TTLL9: variants seen among roughly 807,000 people sequenced by gnomAD.
TTLL9 encodes the protein tubulin tyrosine ligase like 9.
Under a neutral mutation model 65.6 loss-of-function variants are expected in TTLL9, and 47 were observed. The observed-to-expected ratio is 0.72, with a 90% CI of 0.57 to 0.91. The LOEUF (loss-of-function observed/expected upper bound fraction) is 0.91, where lower values mean the gene tolerates loss of function less well. Among genes scored for constraint, TTLL9 ranks in the 40% least tolerant of loss-of-function variants. TTLL9 has a pLI of 0.00. For synonymous variants in TTLL9, 179 were observed against 204.8 expected, an observed-to-expected ratio of 0.87 and a Z score of 1.07; for missense variants, 537 against 568.8, an observed-to-expected ratio of 0.94 and a Z score of 0.57.
rs149929864 is a variant in TTLL9 at position 31,933,326 on chromosome 20, C to T, written c.749-474C>T. Among the ~76,000 whole-genome samples the T allele has an allele frequency of 3.5e-3, 540 of 152,132 alleles. 4 individuals carry two copies. Among genetic ancestry groups the T allele is most frequent in the African/African-American group, 0.012 (501 of 41,490 alleles). On this transcript the variant is annotated intron_variant, in intron 10 of 14. Transcript: ENST00000535842. ...TATTCCTACAAAGTGGCCGCCCAGC[C>T]TGGACCCCTCTAATGACAGACAGCC...
At chr20:31,918,174 G>C (rs889689794) in intron 6 of TTLL9, among the ~76,000 whole-genome samples, 1 of 152,088 alleles carries the variant, frequency 6.6e-6, no homozygotes, top group African/African-American at 2.4e-5. Flanking sequence ...TGTCTTATCT[G>C]TGTTTTACTG....
chr20:31,879,797 C>T, intron 2 of TTLL9: 1 of 1,544,732 alleles, frequency 6.5e-7, no homozygotes, highest in Non-Finnish European at 8.7e-7. Context: ...CGGATCCAGG[C>T]GCCTGTCTGT....
At chr20:31,935,679 T>G (rs1300445600) in intron 12 of TTLL9, among the ~76,000 whole-genome samples, 1 of 152,174 alleles carries the variant, frequency 6.6e-6, no homozygotes, top group African/African-American at 2.4e-5. Context: ...GGCATTAAGG[T>G]GGACGTGGTG....
At chr20:31,911,181 A>G (rs545898213) in intron 6 of TTLL9, among the ~76,000 whole-genome samples, 1 of 152,246 alleles carries the variant, frequency 6.6e-6, no homozygotes, top group South Asian at 2.1e-4. Flanking sequence ...TCTCAAAAAA[A>G]AAAGAAAAAA....
At chr20:31,874,566 T>C (rs1205862511) in intron 2 of TTLL9, among the ~76,000 whole-genome samples, 4 of 152,074 alleles carry the variant, frequency 2.6e-5, no homozygotes, top group Non-Finnish European at 2.9e-5. Context: ...TGCCCACCCA[T>C]GCCTGGCTAA....
intron 3 of TTLL9, 95 bp downstream of exon 3, chr20:31,887,334 A>T (rs2063207507): frequency 7.5e-7 from 1 of 1,340,470 alleles, no homozygotes; most frequent in East Asian, 2.3e-5. Flanking sequence ...TACTTCAACA[A>T]TTATAATGAA....
At chr20:31,901,473 G>C (rs1373594737) in intron 4 of TTLL9, 8 of 152,172 alleles carry the variant, frequency 5.3e-5, no homozygotes, top group Admixed American at 5.2e-4. Context: ...TGATTTAAGA[G>C]CAACTTGATT....
At chr20:31,879,733 C>G in intron 2 of TTLL9, 1 of 1,356,084 alleles carries the variant, frequency 7.4e-7, no homozygotes, top group South Asian at 1.3e-5. Context: ...TCTGGTGGAC[C>G]AGAGCCTGCG....
chr20:31,875,531 C>T lies in TTLL9; in HGVS notation c.69+4336C>T, dbSNP rs555185030. ...CTTTGCTTTCTCTGACTTCCAACTT[C>T]GCCTAATGCTCTTCTTTCTGCCTGG... On this transcript the variant is annotated intron_variant, in intron 2 of 14. Coordinates refer to ENST00000535842, the MANE Select transcript of TTLL9 (RefSeq NM_001008409.5). 8.5e-5 allele frequency among the ~76,000 whole-genome samples: 13 copies of T among 152,292 alleles called. No homozygotes were observed. In the South Asian group the frequency reaches 2.5e-3, roughly 29 times the overall value.
chr20:31,877,888 C>A (rs1273121437), intron 2 of TTLL9, among the ~76,000 whole-genome samples: 1 of 152,180 alleles, frequency 6.6e-6, no homozygotes, highest in Non-Finnish European at 1.5e-5. Context: ...GCCTTCCCAT[C>A]CATGAACATG....
At chr20:31,907,792 C>T (rs182741047) in intron 4 of TTLL9, among the ~76,000 whole-genome samples, 40 of 151,992 alleles carry the variant, frequency 2.6e-4, no homozygotes, top group African/African-American at 8.7e-4. Context: ...GTTTCCTTCG[C>T]GGCAGAACAG....
chr20:31,924,896 G>A, intron 8 of TTLL9, 113 bp from the exon 9 acceptor site: 1 of 1,164,210 alleles, frequency 8.6e-7, no homozygotes, highest in Admixed American at 2.0e-5. Flanking sequence ...GTTTCAGCAG[G>A]AGCTTCATGA....
At chr20:31,888,560 C>G (rs1368687324) in intron 3 of TTLL9, among the ~76,000 whole-genome samples, 1 of 152,124 alleles carries the variant, frequency 6.6e-6, no homozygotes, top group Non-Finnish European at 1.5e-5. Flanking sequence ...CAACCTCTGC[C>G]TCCTGGGTTC....
At chr20:31,875,760 G>T (rs2063030290) in intron 2 of TTLL9, among the ~76,000 whole-genome samples, 1 of 152,060 alleles carries the variant, frequency 6.6e-6, no homozygotes. Context: ...TGATCTATTT[G>T]CTTCCATTGT....
At chr20:31,893,863 A>T (rs2063344505) in intron 3 of TTLL9, among the ~76,000 whole-genome samples, 1 of 151,944 alleles carries the variant, frequency 6.6e-6, no homozygotes, top group African/African-American at 2.4e-5. Context: ...TCTCTTCCCC[A>T]TCTCTTTCTT....
rs566298287 is a variant in TTLL9 at position 31,906,333 on chromosome 20, G to A, written c.207-2258G>A. ...CATCTGACTCACACGTGTGGCAGTC[G>A]ATGCTAGCTGTCTGTGGGGATCTCA... On this transcript the variant is annotated intron_variant, in intron 4 of 14. Transcript: ENST00000535842. Among the ~76,000 whole-genome samples, 54 of 152,336 alleles carry A rather than the reference G, an allele frequency of 3.5e-4. No individual in the cohort carries two copies. The South Asian group carries it at 0.011, about 30-fold the overall frequency.
intron 5 of TTLL9, among the ~76,000 whole-genome samples, chr20:31,909,079 G>C (rs1230153123): frequency 1.3e-5 from 2 of 151,748 alleles, no homozygotes; most frequent in Non-Finnish European, 2.9e-5. Context: ...GGAGGCAGTG[G>C]TGGGAGATTT....
chr20:31,928,062 T>G (rs2063939430), intron 10 of TTLL9, among the ~76,000 whole-genome samples: 1 of 149,168 alleles, frequency 6.7e-6, no homozygotes, highest in Admixed American at 6.7e-5. Flanking sequence ...TTTTTTTTTT[T>G]AACTAAAGTT....
intron 2 of TTLL9, among the ~76,000 whole-genome samples, chr20:31,876,522 G>A (rs1163191842): frequency 6.6e-6 from 1 of 152,172 alleles, no homozygotes; most frequent in African/African-American, 2.4e-5. Flanking sequence ...ATTGTTTCTA[G>A]TATTTTCTGC....
Sources: gnomAD v4.1 joint callset for allele counts (sites outside exome capture counted in the v4.1 genomes callset) on GRCh38, gnomAD v4.1.1 for gene constraint, MANE v1.5 for transcripts, NCBI Gene and HGNC (gene_info 2026-07-23, HGNC 2026-07-21) for gene names.